FAM81A: variants seen among roughly 807,000 people sequenced by gnomAD.
The protein encoded by FAM81A is family with sequence similarity 81 member A.
Under a neutral mutation model 46.7 loss-of-function variants are expected in FAM81A, and 19 were observed. That is an observed-to-expected ratio of 0.41 (90% CI 0.28 to 0.60). FAM81A has a LOEUF of 0.60. FAM81A is among the 20% of genes least tolerant of loss of function. The probability of loss-of-function intolerance (pLI) is 0.34; values close to 1 mark genes in which losing one functional copy is unlikely to be tolerated. For synonymous variants in FAM81A, 183 were observed against 152.9 expected, an observed-to-expected ratio of 1.20 and a Z score of -1.45; for missense variants, 377 against 453.5, an observed-to-expected ratio of 0.83 and a Z score of 1.53.
At chr15:59,486,053 C>G (rs2081913348) in intron 3 of FAM81A, among the ~76,000 whole-genome samples, 1 of 152,066 alleles carries the variant, frequency 6.6e-6, no homozygotes, top group Admixed American at 6.6e-5. Flanking sequence ...GTGGTGGGTG[C>G]CTGTAATCCC....
At chr15:59,518,786 T>C (rs2082294318) in intron 8 of FAM81A, among the ~76,000 whole-genome samples, 1 of 152,128 alleles carries the variant, frequency 6.6e-6, no homozygotes, top group Admixed American at 6.5e-5. Context: ...TCTTTTTTTT[T>C]CTAATTACAT....
chr15:59,508,210 C>G (rs1380037750), intron 5 of FAM81A, among the ~76,000 whole-genome samples: 1 of 152,102 alleles, frequency 6.6e-6, no homozygotes, highest in Non-Finnish European at 1.5e-5. Context: ...ATAGCCAGGC[C>G]AAGTCAAATA....
At chr15:59,415,354 G>T (rs4238338) in intron 2 of FAM81A, among the ~76,000 whole-genome samples, 5 of 151,938 alleles carry the variant, frequency 3.3e-5, no homozygotes, top group Non-Finnish European at 7.4e-5. Flanking sequence ...TCCTGACCTC[G>T]TGATCCTCTT....
intron 3 of FAM81A, among the ~76,000 whole-genome samples, chr15:59,491,446 A>T (rs2081980432): frequency 6.6e-6 from 1 of 152,134 alleles, no homozygotes; most frequent in Non-Finnish European, 1.5e-5. Context: ...TGGGGTGGAA[A>T]TGTGGATGAT....
At chr15:59,494,932 C>A (rs970025259) in intron 4 of FAM81A, among the ~76,000 whole-genome samples, 5 of 152,118 alleles carry the variant, frequency 3.3e-5, no homozygotes, top group South Asian at 4.1e-4. Context: ...AGATGAGATA[C>A]ACATTTAGCT....
chr15:59,469,240 G>A (rs2081654127), intron 3 of FAM81A, among the ~76,000 whole-genome samples: 2 of 152,190 alleles, frequency 1.3e-5, no homozygotes, highest in African/African-American at 4.8e-5. Flanking sequence ...CTGTTGCAGA[G>A]CTGAGTTCAG....
At chr15:59,399,900 A>C (rs2081062850) in intron 1 of FAM81A, among the ~76,000 whole-genome samples, 1 of 152,184 alleles carries the variant, frequency 6.6e-6, no homozygotes, top group African/African-American at 2.4e-5. Flanking sequence ...CTTATTTTTC[A>C]GAACACATTT....
At chr15:59,453,229 G>T (rs1210080429) in intron 1 of FAM81A, among the ~76,000 whole-genome samples, 1 of 152,242 alleles carries the variant, frequency 6.6e-6, no homozygotes, top group African/African-American at 2.4e-5. Context: ...GCCTGGTGAT[G>T]CAGAGGCTGA....
rs564421982 is a variant in FAM81A at position 59,440,082 on chromosome 15, C to T, written c.-78+1800C>T. ...CTTCCGCTTCTCCTTAGTGCTGCCT[C>T]CAAACCAATGCACCATCACCAACCA... On this transcript the variant is annotated intron_variant, in intron 1 of 8. Coordinates refer to ENST00000288228, the MANE Select transcript of FAM81A (RefSeq NM_152450.3). 2.6e-5 allele frequency: 4 copies of T among 152,398 alleles called. No homozygotes were observed. The South Asian group carries it at 8.3e-4, about 32-fold the overall frequency. The allele number at this position is 152,398 out of a possible 1,614,324, so 9.4% of individuals were successfully genotyped here. A position where few individuals can be genotyped will look rare whatever the true frequency, so the allele number is the denominator to read the frequency against.
At chr15:59,518,534 C>T (rs2082291390) in intron 8 of FAM81A, among the ~76,000 whole-genome samples, 1 of 152,002 alleles carries the variant, frequency 6.6e-6, no homozygotes, top group African/African-American at 2.4e-5. Context: ...GTATGTTGCC[C>T]AGACTGGTCT....
chr15:59,498,180 G>A (rs1165868686), intron 4 of FAM81A, among the ~76,000 whole-genome samples: 6 of 152,162 alleles, frequency 3.9e-5, no homozygotes, highest in African/African-American at 1.4e-4. Context: ...CCACAAATGT[G>A]GATATCTTTC....
intron 3 of FAM81A, 95 bp from the exon 4 acceptor site, chr15:59,492,176 G>A (rs2081988335): frequency 1.2e-6 from 1 of 865,238 alleles, no homozygotes; most frequent in Non-Finnish European, 1.9e-6. Flanking sequence ...GAAAGACTGA[G>A]TTAAACATTC....
chr15:59,448,228 T>C (rs2081372831), intron 1 of FAM81A, among the ~76,000 whole-genome samples: 1 of 151,930 alleles, frequency 6.6e-6, no homozygotes, highest in African/African-American at 2.4e-5. Flanking sequence ...AATACAAAAA[T>C]TAGCTGTGTG....
intron 2 of FAM81A, among the ~76,000 whole-genome samples, chr15:59,410,934 A>G (rs79407948): frequency 2.0e-5 from 3 of 152,216 alleles, no homozygotes; most frequent in Non-Finnish European, 4.4e-5. Flanking sequence ...TATTTTTAGT[A>G]GAGACGGGTT....
rs2082176521 is a variant in FAM81A at position 59,508,917 on chromosome 15, C to A, written c.598C>A (p.Leu200Met). Reference sequence around the variant, plus strand: ...GTCAATATCAGAGCAGAGCACCAAACTGAAGATGTCTCACAGAGACAGTAA... The same window carrying A: ...GTCAATATCAGAGCAGAGCACCAAAATGAAGATGTCTCACAGAGACAGTAA... The part of the protein sequence containing the change: ...DLSISEQSTK[L>M]KMSHRDSNHQ... Residue 200 changes from leucine (L) to methionine (M), a missense_variant, in exon 6 of 9, where the codon CTG (leucine) becomes ATG (methionine). Coordinates refer to ENST00000288228, the MANE Select transcript of FAM81A (RefSeq NM_152450.3). 1.2e-6 allele frequency: 2 copies of A among 1,613,392 alleles called. No homozygotes were observed. Among genetic ancestry groups the A allele is most frequent in the Non-Finnish European group, 1.7e-6 (2 of 1,179,508 alleles).
chr15:59,466,353 C>A (rs2081613063), intron 3 of FAM81A, among the ~76,000 whole-genome samples: 1 of 152,218 alleles, frequency 6.6e-6, no homozygotes, highest in African/African-American at 2.4e-5. Context: ...TTCTCCACAT[C>A]CTTGCTAGCA....
At chr15:59,474,423 T>C (rs1406159878) in intron 3 of FAM81A, among the ~76,000 whole-genome samples, 1 of 152,182 alleles carries the variant, frequency 6.6e-6, no homozygotes, top group African/African-American at 2.4e-5. Flanking sequence ...TGGCAGAAGG[T>C]GGAAGGGCAA....
At chr15:59,438,162 C>T (rs1433090903), upstream of FAM81A, 1 of 146,272 alleles carries the variant, frequency 6.8e-6, no homozygotes, top group Admixed American at 6.8e-5. Context: ...GCTGATTGGA[C>T]GGCGCTCCCC....
chr15:59,515,026 C>G (rs28398786), intron 7 of FAM81A, among the ~76,000 whole-genome samples: 25,450 of 152,064 alleles, frequency 0.17, 2,751 homozygotes, highest in African/African-American at 0.3. Context: ...GGGAGGATCG[C>G]TTGAGCCCAG....
Sources: allele counts gnomAD v4.1 joint callset (sites outside exome capture counted in the v4.1 genomes callset), GRCh38; gene constraint gnomAD v4.1.1; transcripts MANE v1.5; gene names NCBI Gene and HGNC (gene_info 2026-07-23, HGNC 2026-07-21).